The following AGAP1 variants were observed in gnomAD, a reference collection of about 807,000 sequenced individuals.
AGAP1 encodes ArfGAP with GTPase domain, ankyrin repeat and PH domain 1, also known as arf-GAP with GTPase, ANK repeat and PH domain-containing protein 1.
AGAP1 carries 29 observed loss-of-function variants against 105.3 expected under a neutral mutation model. The ratio of observed to expected loss-of-function variants is 0.28; its 90% CI spans 0.21 to 0.38. AGAP1 has a LOEUF of 0.38. AGAP1 is among the 10% of genes least tolerant of loss of function. The probability of loss-of-function intolerance (pLI) is 1.00; values close to 1 mark genes in which losing one functional copy is unlikely to be tolerated. For missense variants in AGAP1, 998 were observed against 1,165.1 expected, an observed-to-expected ratio of 0.86 and a Z score of 2.09; for synonymous variants, 509 against 485.9, an observed-to-expected ratio of 1.05 and a Z score of -0.63.
chr2:235,997,699 C>A (rs916602383), intron 13 of AGAP1, among the ~76,000 whole-genome samples: 6 of 152,174 alleles, frequency 3.9e-5, no homozygotes. Flanking sequence ...CCAGCGCAGT[C>A]CGTCTCCAGA....
chr2:235,684,976 C>G (rs1949300652), intron 1 of AGAP1, among the ~76,000 whole-genome samples: 1 of 152,128 alleles, frequency 6.6e-6, no homozygotes, highest in South Asian at 2.1e-4. Context: ...CTTGGAGACC[C>G]TGTGCTCCAG....
intron 13 of AGAP1, among the ~76,000 whole-genome samples, chr2:236,024,038 T>G (rs1449339452): frequency 3.4e-5 from 5 of 146,974 alleles, no homozygotes; most frequent in East Asian, 2.0e-4. Context: ...TTTTTTGTTT[T>G]TTTTTTTTTT....
rs1575207400 is a variant in AGAP1, at chr2:235,714,839, C to A, written c.223-2718C>A. Among the ~76,000 whole-genome samples, 1 of 152,302 alleles carries A rather than the reference C, an allele frequency of 6.6e-6. No homozygotes were observed. Among genetic ancestry groups the A allele is most frequent in the East Asian group, 1.9e-4 (1 of 5,178 alleles). On this transcript the variant is annotated intron_variant, in intron 2 of 17. Coordinates refer to ENST00000304032, the MANE Select transcript of AGAP1 (RefSeq NM_001037131.3). The surrounding 1 kb of genome is among the most constrained non-coding windows in gnomAD (Gnocchi z 4.1). ...TTTGAGACAGAGTCTCGCTCTGTCA[C>A]CCAGGCTGGAGTCCAGTGGTGTATC...
chr2:235,932,786 G>A (rs2052784485), intron 12 of AGAP1, among the ~76,000 whole-genome samples: 1 of 152,154 alleles, frequency 6.6e-6, no homozygotes, highest in Non-Finnish European at 1.5e-5. Context: ...TGCAGTGGGC[G>A]TTTCCACACC....
At chr2:235,627,066 G>A (rs1380546687) in intron 1 of AGAP1, among the ~76,000 whole-genome samples, 3 of 152,082 alleles carry the variant, frequency 2.0e-5, no homozygotes, top group Non-Finnish European at 2.9e-5. Context: ...AAGACATAGC[G>A]TGGATATTGT....
chr2:235,771,313 C>T (rs894509129), intron 6 of AGAP1, among the ~76,000 whole-genome samples: 3 of 152,326 alleles, frequency 2.0e-5, no homozygotes, highest in East Asian at 1.9e-4. Context: ...AGCACGGTCT[C>T]CAGGCTGCGC....
In AGAP1 at chr2:235,733,195, G is replaced by A. The variant is rs2149619466; in HGVS notation, c.311-7768G>A. On this transcript the variant is annotated intron_variant, in intron 3 of 17. Transcript: ENST00000304032. This position sits in a 1 kb window ranked among gnomAD's most constrained non-coding sequence, Gnocchi z 5.0. Reference sequence around the variant, plus strand: ...CCCCTTGAGGTGCCCCCCTGCGTGGGTCACTTCTCCCGCTCACCAGGCAAC... The same window carrying A: ...CCCCTTGAGGTGCCCCCCTGCGTGGATCACTTCTCCCGCTCACCAGGCAAC... Among the ~76,000 whole-genome samples, 1 of 152,302 alleles carries A rather than the reference G, an allele frequency of 6.6e-6. No individual in the cohort carries two copies. Among genetic ancestry groups the A allele is most frequent in the Non-Finnish European group, 1.5e-5 (1 of 68,034 alleles).
In AGAP1 at chr2:235,994,671, C is replaced by T. The variant is rs1575999043; in HGVS notation, c.1645+26048C>T. On this transcript the variant is annotated intron_variant, in intron 13 of 17. Coordinates refer to ENST00000304032, the MANE Select transcript of AGAP1 (RefSeq NM_001037131.3). This position sits in a 1 kb window ranked among gnomAD's most constrained non-coding sequence, Gnocchi z 4.4. ...AGAGACGGGGCAGCAGTGGAGAGCT[C>T]GGCTCAAAGTGCGAAGTTGTTTAGA... Among the ~76,000 whole-genome samples the T allele has an allele frequency of 1.3e-5, 2 of 152,002 alleles. No homozygotes were observed. The highest frequency in any genetic ancestry group is 1.5e-5 in the Non-Finnish European group (1 of 67,998).
At chr2:235,718,659 G>A (rs1044801747) in intron 3 of AGAP1, among the ~76,000 whole-genome samples, 4 of 152,222 alleles carry the variant, frequency 2.6e-5, no homozygotes, top group African/African-American at 9.6e-5. Flanking sequence ...ACCGTTCGGA[G>A]AAGTATAAAA....
chr2:235,648,080 G>C (rs147124069), intron 1 of AGAP1, among the ~76,000 whole-genome samples: 2 of 152,338 alleles, frequency 1.3e-5, no homozygotes, highest in African/African-American at 4.8e-5. Context: ...CTGTAGGCTG[G>C]CGTTGAAAAG....
chr2:235,882,693 T>C lies in AGAP1; in HGVS notation c.1051-652T>C, dbSNP rs2050089417. 6.6e-6 allele frequency among the ~76,000 whole-genome samples: 1 copy of C among 152,174 alleles called. No individual in the cohort carries two copies. The highest frequency in any genetic ancestry group is 2.1e-4 in the South Asian group (1 of 4,820). ...TTGGCCATGGTTGGCCAGGCTGGCC[T>C]CAAACTCCTGACCTCAGGTGATCTG... On this transcript the variant is annotated intron_variant, in intron 9 of 17. Coordinates refer to ENST00000304032, the MANE Select transcript of AGAP1 (RefSeq NM_001037131.3). This position sits in a 1 kb window ranked among gnomAD's most constrained non-coding sequence, Gnocchi z 4.6.
rs560033816 is a variant in AGAP1, at chr2:235,864,050, G to A, written c.1051-19295G>A. ...GTCGACTTCATAGCTTGCCTGGTGT[G>A]CTCGGTTTTGACTCTATAGATCTGA... On this transcript the variant is annotated intron_variant, in intron 9 of 17. Transcript: ENST00000304032. This position sits in a 1 kb window ranked among gnomAD's most constrained non-coding sequence, Gnocchi z 5.0. Among the ~76,000 whole-genome samples, 6 of 152,210 alleles carry A rather than the reference G, an allele frequency of 3.9e-5. No individual in the cohort carries two copies. Among genetic ancestry groups the A allele is most frequent in the Non-Finnish European group, 7.3e-5 (5 of 68,040 alleles).
rs1433528811 is a variant in AGAP1, at chr2:235,993,272, G to C, written c.1645+24649G>C. ...TACTATTGATATTTACTGCCTTGGA[G>C]CAGCCTTGGCAGCCTTGTATTCTGA... On this transcript the variant is annotated intron_variant, in intron 13 of 17. Transcript: ENST00000304032. This position sits in a 1 kb window ranked among gnomAD's most constrained non-coding sequence, Gnocchi z 5.0. 6.6e-6 allele frequency among the ~76,000 whole-genome samples: 1 copy of C among 152,116 alleles called. No individual in the cohort carries two copies. The highest frequency in any genetic ancestry group is 2.4e-5 in the African/African-American group (1 of 41,414).
At chr2:235,629,910 T>C (rs1434453705) in intron 1 of AGAP1, among the ~76,000 whole-genome samples, 1 of 149,626 alleles carries the variant, frequency 6.7e-6, no homozygotes, top group Non-Finnish European at 1.5e-5. Flanking sequence ...CCATTGATAA[T>C]GTGGCATGAA....
Position 235,691,904 on chromosome 2 carries a change from G to A in AGAP1, c.164-17275G>A, listed in dbSNP as rs72975205. ...AGAGGCAAGGCAGGGATGCAAAATC[G>A]GAGTTCCTAGTAGAAACAGACATGC... On this transcript the variant is annotated intron_variant, in intron 1 of 17. Coordinates refer to ENST00000304032, the MANE Select transcript of AGAP1 (RefSeq NM_001037131.3). This position sits in a 1 kb window ranked among gnomAD's most constrained non-coding sequence, Gnocchi z 4.4. Among the ~76,000 whole-genome samples the A allele has an allele frequency of 0.17, 25,649 of 152,162 alleles. 2,912 individuals are homozygous for A. The highest frequency in any genetic ancestry group is 0.33 in the East Asian group (1,704 of 5,164).
At chr2:235,567,185 C>T (rs1220540360) in intron 1 of AGAP1, among the ~76,000 whole-genome samples, 1 of 152,248 alleles carries the variant, frequency 6.6e-6, no homozygotes, top group East Asian at 1.9e-4. Context: ...CAGCCCTTGG[C>T]AGAGGGTGTG....
chr2:235,666,382 T>A (rs907505198), intron 1 of AGAP1, among the ~76,000 whole-genome samples: 5 of 152,036 alleles, frequency 3.3e-5, no homozygotes, highest in African/African-American at 1.2e-4. Context: ...TAGAAGGGGA[T>A]TTAGATTTTG....
Position 235,891,614 on chromosome 2 carries a change from G to A in AGAP1, c.1155+8165G>A, listed in dbSNP as rs2050545470. On this transcript the variant is annotated intron_variant, in intron 10 of 17. Coordinates refer to ENST00000304032, the MANE Select transcript of AGAP1 (RefSeq NM_001037131.3). The surrounding 1 kb of genome is among the most constrained non-coding windows in gnomAD (Gnocchi z 4.2). The stretch of plus-strand genomic sequence containing the variant: ...CTTCCATGTCGCAAGCACGGCCGTC[G>A]AGTGCAAGGCTGCAATTCCCTGCTG... Among the ~76,000 whole-genome samples, 1 of 152,276 alleles carries A rather than the reference G, an allele frequency of 6.6e-6. No homozygotes were observed. Among genetic ancestry groups the A allele is most frequent in the Admixed American group, 6.5e-5 (1 of 15,294 alleles).
chr2:235,748,124 T>C (rs1953115830), intron 5 of AGAP1, among the ~76,000 whole-genome samples: 1 of 152,240 alleles, frequency 6.6e-6, no homozygotes, highest in East Asian at 1.9e-4. Flanking sequence ...TGTAAAAAGC[T>C]ACGGAGTTAA....
Sources: allele counts gnomAD v4.1 joint callset (sites outside exome capture counted in the v4.1 genomes callset), GRCh38; gene constraint gnomAD v4.1.1; non-coding constraint Gnocchi (gnomAD v3.1); transcripts MANE v1.5; gene names NCBI Gene and HGNC (gene_info 2026-07-23, HGNC 2026-07-21).